Variants in EFCAB13 observed in about 807,000 individuals in gnomAD.
EFCAB13 encodes the protein EF-hand calcium-binding domain-containing protein 13.
EFCAB13 carries 91 observed loss-of-function variants against 110.2 expected under a neutral mutation model. The observed-to-expected ratio is 0.83, with a 90% CI of 0.70 to 0.98. The LOEUF (loss-of-function observed/expected upper bound fraction) is 0.98. EFCAB13 is among the 50% of genes least tolerant of loss of function. EFCAB13 has a pLI of 0.00. For missense variants in EFCAB13, 968 were observed against 1,119.4 expected (o/e 0.86, Z 1.93); for synonymous variants, 323 against 369.9 (o/e 0.87, Z 1.45).
chr17:47,426,659 T>G (rs977239252), intron 23 of EFCAB13, among the ~76,000 whole-genome samples: 1 of 152,196 alleles, frequency 6.6e-6, no homozygotes, highest in Non-Finnish European at 1.5e-5. Context: ...AATTTTGTAT[T>G]TGTATTAAAA....
chr17:47,328,348 A>G lies in EFCAB13; in HGVS notation c.-6A>G, dbSNP rs372329835. The G allele has an allele frequency of 2.5e-6, 4 of 1,604,976 alleles. No individual in the cohort carries two copies. Among genetic ancestry groups the G allele is most frequent in the Non-Finnish European group, 3.4e-6 (4 of 1,173,528 alleles). On this transcript the variant is annotated 5_prime_UTR_variant, in exon 4 of 25. Coordinates refer to ENST00000331493, the MANE Select transcript of EFCAB13 (RefSeq NM_152347.5). The stretch of plus-strand genomic sequence containing the variant: ...TTAAGGACAGAATTTACCTCTAAAC[A>G]GAAAGATGGAAACTAAAGTACATTT...
At chr17:47,334,125 A>G (rs957292524) in intron 4 of EFCAB13, among the ~76,000 whole-genome samples, 2 of 147,194 alleles carry the variant, frequency 1.4e-5, no homozygotes, top group African/African-American at 4.9e-5. Flanking sequence ...AAAGTTTTAT[A>G]GTTTTTTTTT....
chr17:47,394,681 G>A (rs1415496864), intron 16 of EFCAB13, among the ~76,000 whole-genome samples: 1 of 152,116 alleles, frequency 6.6e-6, no homozygotes, highest in Admixed American at 6.5e-5. Context: ...AAGTAACATC[G>A]TATTATTTTG....
At chr17:47,377,321 C>G (rs901734132) in intron 12 of EFCAB13, among the ~76,000 whole-genome samples, 7 of 152,018 alleles carry the variant, frequency 4.6e-5, no homozygotes, top group African/African-American at 9.7e-5. Context: ...ACCATCACAC[C>G]CAGCTAATTT....
At chr17:47,404,466 G>C (rs550413100) in intron 19 of EFCAB13, 96 bp from the exon 20 acceptor site, 2 of 890,220 alleles carry the variant, frequency 2.2e-6, no homozygotes, top group African/African-American at 1.7e-5. Context: ...TAAAATGTTC[G>C]AGAAATATAT....
At chr17:47,348,878 G>C (rs1224684882) in intron 9 of EFCAB13, among the ~76,000 whole-genome samples, 1 of 151,980 alleles carries the variant, frequency 6.6e-6, no homozygotes, top group African/African-American at 2.4e-5. Flanking sequence ...ATTCTCTTAA[G>C]AATGTTTTTA....
intron 9 of EFCAB13, among the ~76,000 whole-genome samples, chr17:47,355,070 T>C (rs970996375): frequency 6.6e-6 from 1 of 152,226 alleles, no homozygotes; most frequent in African/African-American, 2.4e-5. Context: ...TCAGTAGTGC[T>C]GGTTTGGTAA....
intron 21 of EFCAB13, among the ~76,000 whole-genome samples, chr17:47,411,751 C>A (rs1171937646): frequency 1.3e-5 from 2 of 152,134 alleles, no homozygotes; most frequent in African/African-American, 4.8e-5. Context: ...GAAACATAGA[C>A]AACTTCATGT....
intron 10 of EFCAB13, among the ~76,000 whole-genome samples, chr17:47,362,407 G>A (rs961741094): frequency 4.6e-5 from 7 of 152,154 alleles, no homozygotes; most frequent in African/African-American, 1.4e-4. Context: ...CCAGCGTCTG[G>A]GAAGATGTCT....
rs143834240 is a variant in EFCAB13, at chr17:47,427,115, A to ACTGAT, written c.2495-2702_2495-2698dup. ...GTGAGAGCATTTCCCTGTAGTAGCT[A>ACTGAT]CTGATTAAAAAGTTACAAAGTCAAG... On this transcript the variant is annotated intron_variant, in intron 23 of 24. Transcript: ENST00000331493. Among the ~76,000 whole-genome samples the ACTGAT allele has an allele frequency of 2.6e-3, 396 of 152,234 alleles. 4 individuals are homozygous for ACTGAT. The highest frequency in any genetic ancestry group is 9.3e-3 in the African/African-American group (387 of 41,580).
chr17:47,345,798 T>G (rs2065411766), intron 8 of EFCAB13, among the ~76,000 whole-genome samples: 1 of 152,190 alleles, frequency 6.6e-6, no homozygotes, highest in Non-Finnish European at 1.5e-5. Flanking sequence ...CCACTATGAT[T>G]GTATGATTTC....
chr17:47,375,377 A>G (rs1254448016), intron 12 of EFCAB13, among the ~76,000 whole-genome samples: 1 of 151,920 alleles, frequency 6.6e-6, no homozygotes, highest in East Asian at 1.9e-4. Flanking sequence ...TGCAGCCTCG[A>G]CCTTTTGTGT....
intron 23 of EFCAB13, among the ~76,000 whole-genome samples, chr17:47,419,915 C>G (rs141055394): frequency 2.0e-5 from 3 of 149,996 alleles, no homozygotes; most frequent in African/African-American, 7.5e-5. Flanking sequence ...AGAAATGTCC[C>G]CTCTCCCTCT....
At position 47,393,997 on chromosome 17, in the gene EFCAB13, C is replaced by CA. The variant is rs556053121; in HGVS notation, c.1727-21dup. 246 of 1,378,706 alleles carry CA rather than the reference C, an allele frequency of 1.8e-4. 1 individual carries two copies. The highest frequency in any genetic ancestry group is 1.1e-3 in the Admixed American group (48 of 43,702). The allele number at this position is 1,378,706 out of a possible 1,614,324, so 85.4% of individuals were successfully genotyped here. ...TTTCATAATAATACTTAAAAGATGC[C>CA]AAAAAAATGTGTTTCTTTTTCCTGT... On this transcript the variant is annotated intron_variant, in intron 15 of 24. Coordinates refer to ENST00000331493, the MANE Select transcript of EFCAB13 (RefSeq NM_152347.5).
intron 5 of EFCAB13, among the ~76,000 whole-genome samples, chr17:47,336,175 G>A (rs1011809397): frequency 6.6e-6 from 1 of 151,132 alleles, no homozygotes; most frequent in Non-Finnish European, 1.5e-5. Context: ...CACCCAGGCT[G>A]GAGTGCAGTG....
chr17:47,377,184 CAA>C (rs2143369857), intron 12 of EFCAB13, among the ~76,000 whole-genome samples: 1 of 152,050 alleles, frequency 6.6e-6, no homozygotes, highest in Non-Finnish European at 1.5e-5. Context: ...CATACACATA[CAA>C]ACACACACAC....
chr17:47,394,769 A>C (rs1192520392), intron 16 of EFCAB13, among the ~76,000 whole-genome samples: 1 of 152,182 alleles, frequency 6.6e-6, no homozygotes, highest in African/African-American at 2.4e-5. Context: ...TTTGTCTCCT[A>C]TATAGGGGTA....
At chr17:47,332,521 T>G (rs1193416920) in intron 4 of EFCAB13, among the ~76,000 whole-genome samples, 2 of 152,112 alleles carry the variant, frequency 1.3e-5, no homozygotes, top group African/African-American at 4.8e-5. Flanking sequence ...TGAAACTCTG[T>G]GCCCTTTGAT....
intron 20 of EFCAB13, among the ~76,000 whole-genome samples, chr17:47,405,396 TAA>T (rs1382303310): frequency 6.6e-6 from 1 of 152,142 alleles, no homozygotes; most frequent in East Asian, 1.9e-4. Flanking sequence ...ATTACCCTCC[TAA>T]AGATTTGTGG....
Sources: allele counts gnomAD v4.1 joint callset (sites outside exome capture counted in the v4.1 genomes callset), GRCh38; gene constraint gnomAD v4.1.1; transcripts MANE v1.5; gene names NCBI Gene and HGNC (gene_info 2026-07-23, HGNC 2026-07-21).